The following DOCK4 variants were observed in gnomAD, a reference collection of about 807,000 sequenced individuals.
DOCK4 encodes the protein dedicator of cytokinesis protein 4.
Under a neutral mutation model 268.1 loss-of-function variants are expected in DOCK4, and 97 were observed. The ratio of observed to expected loss-of-function variants is 0.36; its 90% CI spans 0.31 to 0.43. DOCK4 has a LOEUF of 0.43. DOCK4 is among the 20% of genes least tolerant of loss of function. DOCK4 has a pLI of 1.00. For synonymous variants in DOCK4, 954 were observed against 887.2 expected (o/e 1.08, Z -1.34); for missense variants, 2,145 against 2,455.7 (o/e 0.87, Z 2.67).
At chr7:111,822,708 C>T (rs1009976797) in intron 26 of DOCK4, among the ~76,000 whole-genome samples, 1 of 152,120 alleles carries the variant, frequency 6.6e-6, no homozygotes, top group Non-Finnish European at 1.5e-5. Context: ...TCCACAGGTT[C>T]TAACAATTTA....
chr7:112,106,170 A>G (rs1811134769), intron 1 of DOCK4, among the ~76,000 whole-genome samples: 1 of 152,248 alleles, frequency 6.6e-6, no homozygotes, highest in Admixed American at 6.5e-5. Flanking sequence ...TGCAGATACG[A>G]ATAAATACAA....
chr7:112,082,266 C>A (rs1048301040), intron 1 of DOCK4, among the ~76,000 whole-genome samples: 1 of 152,074 alleles, frequency 6.6e-6, no homozygotes. Flanking sequence ...ACACAGTTAA[C>A]CCTGAGAGTC....
At chr7:111,942,780 T>A (rs1363716204) in intron 10 of DOCK4, among the ~76,000 whole-genome samples, 1 of 152,148 alleles carries the variant, frequency 6.6e-6, no homozygotes, top group African/African-American at 2.4e-5. Context: ...CGTCCAACCC[T>A]AGCAAATAGG....
chr7:111,907,092 CAG>C (rs1437510550), intron 13 of DOCK4, among the ~76,000 whole-genome samples: 1 of 152,260 alleles, frequency 6.6e-6, no homozygotes, highest in Non-Finnish European at 1.5e-5. Flanking sequence ...GAGACTGAAA[CAG>C]AGCACAGACA....
chr7:111,777,830 C>A (rs941426175), intron 36 of DOCK4, among the ~76,000 whole-genome samples: 1 of 152,132 alleles, frequency 6.6e-6, no homozygotes, highest in South Asian at 2.1e-4. Flanking sequence ...TCTTGTCTGC[C>A]GCCATGTAAG....
chr7:112,074,583 T>C (rs1290566491), intron 1 of DOCK4, among the ~76,000 whole-genome samples: 6 of 152,188 alleles, frequency 3.9e-5, no homozygotes, highest in Admixed American at 3.9e-4. Flanking sequence ...AGAAGGGACA[T>C]ACTCCTTCCT....
chr7:111,991,740 T>C (rs1799544167), intron 5 of DOCK4, among the ~76,000 whole-genome samples: 1 of 150,450 alleles, frequency 6.6e-6, no homozygotes, highest in South Asian at 2.1e-4. Context: ...AGTGGGCGGA[T>C]CATGAGGTCA....
intron 12 of DOCK4, among the ~76,000 whole-genome samples, chr7:111,917,073 C>A (rs540250944): frequency 6.7e-6 from 1 of 149,602 alleles, no homozygotes; most frequent in Non-Finnish European, 1.5e-5. Flanking sequence ...CTGCAACCTC[C>A]GCCTCCCGGG....
chr7:111,921,677 T>G (rs545411539), intron 12 of DOCK4, among the ~76,000 whole-genome samples: 1 of 152,296 alleles, frequency 6.6e-6, no homozygotes, highest in Non-Finnish European at 1.5e-5. Flanking sequence ...TTTCCACATC[T>G]GTAAAATAAA....
At position 111,838,262 on chromosome 7, in the gene DOCK4, A is replaced by C. The variant is rs138753707; in HGVS notation, c.2737-3576T>G. On this transcript the variant is annotated intron_variant, in intron 25 of 52. Transcript: ENST00000428084. ...ATCTAAAATAGTCAAAACAACTTTG[A>C]AAAAGAAAAGTAAAGTTGGAAGACT... Among the ~76,000 whole-genome samples, 1,151 of 152,290 alleles carry C rather than the reference A, an allele frequency of 7.6e-3. 14 individuals are homozygous for C. The highest frequency in any genetic ancestry group is 0.026 in the African/African-American group (1,088 of 41,546).
intron 7 of DOCK4, among the ~76,000 whole-genome samples, chr7:111,978,369 C>T (rs1404170623): frequency 6.6e-6 from 1 of 152,154 alleles, no homozygotes; most frequent in African/African-American, 2.4e-5. Flanking sequence ...GTACTTGGGA[C>T]TACAGGCACG....
chr7:111,745,162 G>T (rs900266726), intron 44 of DOCK4, among the ~76,000 whole-genome samples: 1 of 152,162 alleles, frequency 6.6e-6, no homozygotes, highest in Admixed American at 6.5e-5. Flanking sequence ...TGTACTTGAT[G>T]GTTCCAAATA....
chr7:111,857,622 G>A (rs1217066640), intron 23 of DOCK4, among the ~76,000 whole-genome samples: 2 of 152,156 alleles, frequency 1.3e-5, no homozygotes, highest in Non-Finnish European at 2.9e-5. Flanking sequence ...CCAGCCATCT[G>A]TTAAACAAAT....
At chr7:111,926,618 C>G (rs1400991940) in intron 12 of DOCK4, among the ~76,000 whole-genome samples, 1 of 148,846 alleles carries the variant, frequency 6.7e-6, no homozygotes, top group East Asian at 2.0e-4. Context: ...GTCAGGAGAT[C>G]GAGACTATCC....
chr7:112,094,428 C>T (rs140667656), intron 1 of DOCK4, among the ~76,000 whole-genome samples: 3,182 of 152,268 alleles, frequency 0.021, 47 homozygotes, highest in Middle Eastern at 0.054. Context: ...TTTGAGTTTA[C>T]ATCCAGGGAA....
At position 112,063,037 on chromosome 7, in the gene DOCK4, G is replaced by C. The variant is rs181339853; in HGVS notation, c.38-58906C>G. Among the ~76,000 whole-genome samples, 19 of 152,254 alleles carry C rather than the reference G, an allele frequency of 1.2e-4. No homozygotes were observed. In the East Asian group the frequency reaches 3.3e-3, roughly 26 times the overall value. On this transcript the variant is annotated intron_variant, in intron 1 of 52. Transcript: ENST00000428084. Reference sequence around the variant, plus strand: ...TGTGGCTGTGTATCTACACACAGTTGCCTCCCAAAAAGAGAGAGAAGTTAT... The same window carrying C: ...TGTGGCTGTGTATCTACACACAGTTCCCTCCCAAAAAGAGAGAGAAGTTAT...
chr7:111,753,347 T>C (rs1796816955), intron 42 of DOCK4, among the ~76,000 whole-genome samples: 2 of 152,070 alleles, frequency 1.3e-5, no homozygotes, highest in South Asian at 2.1e-4. Flanking sequence ...TGATGGCACA[T>C]GCTTGTGGTC....
chr7:111,785,390 A>G (rs1799096005), intron 32 of DOCK4, among the ~76,000 whole-genome samples: 1 of 152,244 alleles, frequency 6.6e-6, no homozygotes, highest in Admixed American at 6.5e-5. Flanking sequence ...CCTACACCTC[A>G]TACTTTAGAG....
intron 46 of DOCK4, 125 bp from the exon 47 acceptor site, chr7:111,741,339 A>G (rs1436236437): frequency 7.0e-7 from 1 of 1,438,222 alleles, no homozygotes; most frequent in African/African-American, 1.4e-5. Context: ...GTTTGCCTCA[A>G]TATAATCAAA....
Sources: gnomAD v4.1 joint callset for allele counts (sites outside exome capture counted in the v4.1 genomes callset) on GRCh38, gnomAD v4.1.1 for gene constraint, MANE v1.5 for transcripts, NCBI Gene and HGNC (gene_info 2026-07-23, HGNC 2026-07-21) for gene names.